Variants in TOPAZ1 observed in about 807,000 individuals in gnomAD.
TOPAZ1 encodes testis and ovary specific TOPAZ 1.
TOPAZ1 carries 66 observed loss-of-function variants against 172.2 expected under a neutral mutation model. The observed-to-expected ratio is 0.38, with a 90% CI of 0.31 to 0.47. The LOEUF (loss-of-function observed/expected upper bound fraction) is 0.47, where lower values mean the gene tolerates loss of function less well. Ranked by LOEUF, TOPAZ1 falls within the 20% of genes least tolerant of loss-of-function variation. TOPAZ1 has a pLI of 0.99. For synonymous variants in TOPAZ1, 681 were observed against 683.9 expected (o/e 1.00, Z 0.07); for missense variants, 1,822 against 1,972.4 (o/e 0.92, Z 1.44).
At chr3:44,306,990 G>A (rs1346675428) in intron 15 of TOPAZ1, among the ~76,000 whole-genome samples, 6 of 152,020 alleles carry the variant, frequency 3.9e-5, no homozygotes, top group Admixed American at 3.9e-4. Context: ...TTTTAGAAGA[G>A]TCCAAGACAC....
intron 8 of TOPAZ1, among the ~76,000 whole-genome samples, chr3:44,279,921 G>A (rs1700003460): frequency 6.6e-6 from 1 of 151,972 alleles, no homozygotes; most frequent in Non-Finnish European, 1.5e-5. Context: ...TATCTGTAGT[G>A]CTAACATTTG....
In TOPAZ1 at chr3:44,269,262, T is replaced by A; in HGVS notation, c.3207T>A (p.Pro1069=). ...ATTCTGTCCTAAAGCTGCAGAATCCTGAAACTTGTGAAATATTCAAGAGGG... is the reference window on the plus strand; with the variant it reads ...ATTCTGTCCTAAAGCTGCAGAATCCAGAAACTTGTGAAATATTCAAGAGGG... ...GKHSVLKLQN[P]ETCEIFKREK... The change falls in exon 7 of 20, where the codon CCT becomes CCA. Residue 1069 remains proline (P), a synonymous_variant. Transcript: ENST00000309765. 6.5e-7 allele frequency: 1 copy of A among 1,549,900 alleles called. No individual in the cohort carries two copies. Among genetic ancestry groups the A allele is most frequent in the Non-Finnish European group, 8.7e-7 (1 of 1,145,482 alleles).
chr3:44,266,022 C>T (rs561843727), intron 5 of TOPAZ1, among the ~76,000 whole-genome samples: 2 of 152,206 alleles, frequency 1.3e-5, no homozygotes, highest in Non-Finnish European at 2.9e-5. Flanking sequence ...TTCTGGATAA[C>T]TTGCTGCAAC....
intron 19 of TOPAZ1, among the ~76,000 whole-genome samples, chr3:44,329,068 C>T (rs919602644): frequency 2.0e-5 from 3 of 152,200 alleles, no homozygotes; most frequent in Admixed American, 2.0e-4. Context: ...TGTTTTAGAG[C>T]TTCTTGACAA....
intron 9 of TOPAZ1, among the ~76,000 whole-genome samples, chr3:44,285,380 C>T (rs954347598): frequency 8.6e-5 from 13 of 151,954 alleles, no homozygotes; most frequent in African/African-American, 3.1e-4. Flanking sequence ...GTGGGAAGAT[C>T]GCTCAAGCCC....
intron 2 of TOPAZ1, among the ~76,000 whole-genome samples, chr3:44,252,985 G>A (rs1252290531): frequency 6.6e-6 from 1 of 152,174 alleles, no homozygotes; most frequent in Non-Finnish European, 1.5e-5. Context: ...CATTTAAAAT[G>A]ATCACTAAAG....
At position 44,305,236 on chromosome 3, in the gene TOPAZ1, A is replaced by G; in HGVS notation, c.3954A>G (p.Thr1318=). 1 of 1,549,018 alleles carries G rather than the reference A, an allele frequency of 6.5e-7. No individual in the cohort carries two copies. Residue 1318 remains threonine (T), a synonymous_variant, in exon 14 of 20, where the codon ACA becomes ACG. Transcript: ENST00000309765. ...GTGAAAAATTTGCAGATTTCCAGAC[A>G]TTTTGTGCTTGCATTGCTGAAACAC... ...MGCEKFADFQ[T]FCACIAETLT... is the part of the protein sequence containing the mutation.
At chr3:44,303,540 A>C (rs1700301090) in intron 12 of TOPAZ1, among the ~76,000 whole-genome samples, 1 of 139,446 alleles carries the variant, frequency 7.2e-6, no homozygotes, top group African/African-American at 2.7e-5. Context: ...TCTTTGCAGC[A>C]GTATTTTTAA....
downstream of TOPAZ1, among the ~76,000 whole-genome samples, chr3:44,333,912 CTTAGGAGTA>C (rs1364254974): frequency 6.6e-6 from 1 of 152,092 alleles, no homozygotes; most frequent in Admixed American, 6.5e-5. Flanking sequence ...GAGATTTTTC[CTTAGGAGTA>C]TTTATAGAGC....
intron 15 of TOPAZ1, among the ~76,000 whole-genome samples, chr3:44,309,027 A>G (rs149859208): frequency 1.1e-3 from 165 of 152,326 alleles, no homozygotes; most frequent in African/African-American, 3.8e-3. Flanking sequence ...TCACATTTTT[A>G]AAGAGTTATA....
chr3:44,255,011 T>C lies in TOPAZ1; in HGVS notation c.2809T>C (p.Cys937Arg). 10 of 1,551,566 alleles carry C rather than the reference T, an allele frequency of 6.4e-6. No homozygotes were observed. Among genetic ancestry groups the C allele is most frequent in the Non-Finnish European group, 8.7e-6 (10 of 1,146,826 alleles). ...LDCGWIKPDI[C>R]ASNSAESEIK... ...CTGTGGATGGATAAAGCCAGACATC[T>C]GTGCTTCCAACTCAGCAGGTAAAAG... Residue 937 changes from cysteine (C) to arginine (R), a missense_variant, in exon 3 of 20, where the codon TGT (cysteine) becomes CGT (arginine). Cys to Arg is a radical substitution (Grantham distance 180). Transcript: ENST00000309765.
At position 44,285,448 on chromosome 3, in the gene TOPAZ1, CAG is replaced by C. The variant is rs1314781432; in HGVS notation, c.3437-1938_3437-1937del. Among the ~76,000 whole-genome samples the C allele has an allele frequency of 2.6e-5, 4 of 152,198 alleles. No homozygotes were observed. The East Asian group carries it at 7.7e-4, about 29-fold the overall frequency. On this transcript the variant is annotated intron_variant, in intron 9 of 19. Coordinates refer to ENST00000309765, the MANE Select transcript of TOPAZ1 (RefSeq NM_001145030.2). ...AACACTGCACTCCAGCACTGGGTGA[CAG>C]AGCAAGACCGTGTCTCAAAAATAAA...
At chr3:44,257,956 G>C (rs570764287) in intron 4 of TOPAZ1, among the ~76,000 whole-genome samples, 1 of 152,062 alleles carries the variant, frequency 6.6e-6, no homozygotes, top group South Asian at 2.1e-4. Flanking sequence ...TTCATAAGAG[G>C]TTGGCTAGAG....
At chr3:44,321,624 GTAC>G (rs1700506798) in intron 17 of TOPAZ1, among the ~76,000 whole-genome samples, 1 of 152,210 alleles carries the variant, frequency 6.6e-6, no homozygotes, top group Non-Finnish European at 1.5e-5. Flanking sequence ...ATGGTAGTCA[GTAC>G]TCTTGAATGT....
At chr3:44,295,410 T>C in intron 12 of TOPAZ1, among the ~76,000 whole-genome samples, 1 of 152,176 alleles carries the variant, frequency 6.6e-6, no homozygotes. Flanking sequence ...TAGAGTGATA[T>C]CCATATACTG....
Position 44,313,456 on chromosome 3 carries a change from A to T in TOPAZ1, c.4306+3466A>T, listed in dbSNP as rs544380891. On this transcript the variant is annotated intron_variant, in intron 16 of 19. Coordinates refer to ENST00000309765, the MANE Select transcript of TOPAZ1 (RefSeq NM_001145030.2). ...GAAACCCCATCTCTACTAAAAATAT[A>T]AAAAAAAAAAATTAGCCGGGCATGG... 5.5e-4 allele frequency among the ~76,000 whole-genome samples: 80 copies of T among 144,540 alleles called. 1 individual carries two copies. The highest frequency in any genetic ancestry group is 1.7e-3 in the African/African-American group (66 of 39,144). 94.8% of individuals were successfully genotyped at this position (144,540 alleles called of 152,430 possible).
At chr3:44,283,729 G>A (rs2125691594) in intron 9 of TOPAZ1, among the ~76,000 whole-genome samples, 1 of 152,056 alleles carries the variant, frequency 6.6e-6, no homozygotes, top group East Asian at 1.9e-4. Context: ...ATATGTGTGT[G>A]TACACACACG....
intron 13 of TOPAZ1, among the ~76,000 whole-genome samples, chr3:44,304,833 G>T (rs951383032): frequency 6.6e-6 from 1 of 152,138 alleles, no homozygotes; most frequent in Non-Finnish European, 1.5e-5. Context: ...CATGTTTTCC[G>T]TAAAATCCAT....
At chr3:44,269,413 TAAA>T in intron 7 of TOPAZ1, 112 bp downstream of exon 7, 1 of 457,142 alleles carries the variant, frequency 2.2e-6, no homozygotes, top group Non-Finnish European at 4.1e-6. Flanking sequence ...ATCCTCCCCT[TAAA>T]AAAATAATTT....
Sources: allele counts gnomAD v4.1 joint callset (sites outside exome capture counted in the v4.1 genomes callset), GRCh38; gene constraint gnomAD v4.1.1; transcripts MANE v1.5; gene names NCBI Gene and HGNC (gene_info 2026-07-23, HGNC 2026-07-21).